Variants in DNAAF9 observed in about 807,000 individuals in gnomAD.
DNAAF9 encodes the protein dynein axonemal assembly factor 9, also known as shulin.
A neutral mutation model predicts 167.0 loss-of-function variants in DNAAF9; 90 were observed. The ratio of observed to expected loss-of-function variants is 0.54; its 90% CI spans 0.45 to 0.64. The LOEUF (loss-of-function observed/expected upper bound fraction) is 0.64. Among genes scored for constraint, DNAAF9 ranks in the 30% least tolerant of loss-of-function variants. DNAAF9 has a pLI of 0.00. For missense variants in DNAAF9, 1,315 were observed against 1,442.2 expected, an observed-to-expected ratio of 0.91 and a Z score of 1.43; for synonymous variants, 491 against 508.8, an observed-to-expected ratio of 0.96 and a Z score of 0.47.
In DNAAF9 at chr20:3,255,195, G is replaced by A. The variant is rs373430961; in HGVS notation, c.3327+24C>T. ...GAGGACAGCCCTGGGCCACCGAGGG[G>A]AGAAGCCAGGGCAAGGCACTCACGT... is the stretch of plus-strand genomic sequence containing the variant. On this transcript the variant is annotated intron_variant, in intron 35 of 36. Transcript: ENST00000252032. 8.0e-6 allele frequency: 12 copies of A among 1,504,672 alleles called. No homozygotes were observed. In the South Asian group the frequency reaches 9.6e-5, roughly 12 times the overall value. 93.2% of individuals were successfully genotyped at this position (1,504,672 alleles called of 1,614,324 possible). A position where few individuals can be genotyped will look rare whatever the true frequency, so the allele number is the denominator to read the frequency against.
chr20:3,380,354 T>C (rs1237359160), intron 3 of DNAAF9, among the ~76,000 whole-genome samples: 1 of 152,234 alleles, frequency 6.6e-6, no homozygotes, highest in Non-Finnish European at 1.5e-5. Flanking sequence ...TTAATCAGTC[T>C]ATAAGAATAA....
At position 3,315,735 on chromosome 20, in the gene DNAAF9, C is replaced by A; in HGVS notation, c.1590G>T (p.Arg530Ser). Residue 530 changes from arginine to serine, a missense_variant and splice_region_variant, in exon 19 of 37, where the codon AGG becomes AGT. Transcript: ENST00000252032. The surrounding 1 kb of genome is among the most constrained non-coding windows in gnomAD (Gnocchi z 4.1). ...CACTGAGAATAAGAAGGCTGCTTACCCTCACTGCTTGCTGGGTTTTCTCAG... is the reference window on the plus strand; with the variant it reads ...CACTGAGAATAAGAAGGCTGCTTACACTCACTGCTTGCTGGGTTTTCTCAG... Reference protein sequence around the residue: ...KLSEKTQQAVRGDESFLGTYL... With the variant: ...KLSEKTQQAVSGDESFLGTYL... 6.2e-7 allele frequency: 1 copy of A among 1,609,596 alleles called. No individual in the cohort carries two copies. The highest frequency in any genetic ancestry group is 1.3e-5 in the African/African-American group (1 of 74,932).
chr20:3,340,366 C>T lies in DNAAF9; in HGVS notation c.981+138G>A, dbSNP rs1207516727. The stretch of plus-strand genomic sequence containing the variant: ...AACAGTTTCTAATCACTTCTTTTCA[C>T]TCTAGAACAACTTCAAATTCAGGGT... On this transcript the variant is annotated intron_variant, in intron 10 of 36. Coordinates refer to ENST00000252032, the MANE Select transcript of DNAAF9 (RefSeq NM_001009984.3). 3 of 696,246 alleles carry T rather than the reference C, an allele frequency of 4.3e-6. No individual in the cohort carries two copies. In the African/African-American group the frequency reaches 5.4e-5, roughly 13 times the overall value. 43.1% of individuals were successfully genotyped at this position (696,246 alleles called of 1,614,324 possible). A position where few individuals can be genotyped will look rare whatever the true frequency, so the allele number is the denominator to read the frequency against.
intron 7 of DNAAF9, among the ~76,000 whole-genome samples, chr20:3,349,814 C>T (rs1600835548): frequency 6.6e-6 from 1 of 152,102 alleles, no homozygotes; most frequent in East Asian, 1.9e-4. Flanking sequence ...AAGTATTATC[C>T]TTGTCCTTAT....
At chr20:3,372,242 G>C (rs2083520356) in intron 6 of DNAAF9, among the ~76,000 whole-genome samples, 1 of 152,218 alleles carries the variant, frequency 6.6e-6, no homozygotes, top group African/African-American at 2.4e-5. Flanking sequence ...AGAGGGCACT[G>C]GCAGAGCCCA....
At chr20:3,271,002 G>A (rs1462754216) in intron 29 of DNAAF9, among the ~76,000 whole-genome samples, 3 of 151,902 alleles carry the variant, frequency 2.0e-5, no homozygotes, top group South Asian at 2.1e-4. Context: ...TAGTAGAGAC[G>A]GGGTTTCACC....
In DNAAF9 at chr20:3,332,880, G is replaced by A. The variant is rs529586881; in HGVS notation, c.982-519C>T. 9.4e-5 allele frequency among the ~76,000 whole-genome samples: 13 copies of A among 139,024 alleles called. No homozygotes were observed. The East Asian group carries it at 1.6e-3, about 18-fold the overall frequency. 91.2% of individuals were successfully genotyped at this position (139,024 alleles called of 152,430 possible). A position where few individuals can be genotyped will look rare whatever the true frequency, so the allele number is the denominator to read the frequency against. On this transcript the variant is annotated intron_variant, in intron 10 of 36. Transcript: ENST00000252032. The stretch of plus-strand genomic sequence containing the variant: ...TTGGTGCGTGTGCGTGCGTGCATGC[G>A]TGTGTGCGTGTGTGCGTGTGGTGTG...
chr20:3,329,921 G>GT (rs1292786592), intron 12 of DNAAF9, among the ~76,000 whole-genome samples: 2 of 152,190 alleles, frequency 1.3e-5, no homozygotes, highest in African/African-American at 2.4e-5. Flanking sequence ...CACAGCCAGT[G>GT]TTCACACCCT....
At position 3,331,360 on chromosome 20, in the gene DNAAF9, CCA is replaced by C. The variant is rs369023045; in HGVS notation, c.1064-680_1064-679del. On this transcript the variant is annotated intron_variant, in intron 11 of 36. Coordinates refer to ENST00000252032, the MANE Select transcript of DNAAF9 (RefSeq NM_001009984.3). ...TACCTGACCCAAGTTATGCTTCTTT[CCA>C]GAGTTTCCTGGCTTATTTAACATCA... Among the ~76,000 whole-genome samples the C allele has an allele frequency of 2.9e-3, 435 of 152,284 alleles. 1 individual carries two copies. Among genetic ancestry groups the C allele is most frequent in the African/African-American group, 0.01 (421 of 41,552 alleles).
chr20:3,301,177 GCTT>G (rs2069180476), intron 21 of DNAAF9, among the ~76,000 whole-genome samples: 1 of 116,682 alleles, frequency 8.6e-6, no homozygotes, highest in African/African-American at 3.3e-5. Flanking sequence ...ATCATGCTTG[GCTT>G]TTTTTTTTTT....
chr20:3,305,824 G>T (rs2069281794), intron 20 of DNAAF9, among the ~76,000 whole-genome samples: 1 of 152,156 alleles, frequency 6.6e-6, no homozygotes, highest in South Asian at 2.1e-4. Context: ...TACCATCTGT[G>T]GCAGCCACAG....
intron 1 of DNAAF9, among the ~76,000 whole-genome samples, chr20:3,406,948 G>C (rs945419904): frequency 6.6e-6 from 1 of 152,026 alleles, no homozygotes; most frequent in African/African-American, 2.4e-5. Flanking sequence ...CGTTGTCAAG[G>C]GCAAAGGCTC....
intron 25 of DNAAF9, among the ~76,000 whole-genome samples, 169 bp downstream of exon 25, chr20:3,293,970 A>C (rs780741048): frequency 6.9e-6 from 1 of 145,938 alleles, no homozygotes; most frequent in Non-Finnish European, 1.5e-5. Context: ...CAGTCATTGT[A>C]TACAGCAGGT....
intron 6 of DNAAF9, among the ~76,000 whole-genome samples, chr20:3,363,442 T>A (rs2083390242): frequency 6.8e-6 from 1 of 147,276 alleles, no homozygotes; most frequent in Non-Finnish European, 1.5e-5. Flanking sequence ...CCAGCCTGGG[T>A]GACAGAGTGA....
At chr20:3,295,531 T>C (rs1386684487) in intron 23 of DNAAF9, 1 of 327,676 alleles carries the variant, frequency 3.1e-6, no homozygotes, top group African/African-American at 2.2e-5. Context: ...GTATTTATGT[T>C]GAATTCCCCA....
chr20:3,294,223 G>T lies in DNAAF9; in HGVS notation c.2154C>A (p.Ser718Arg). 6.2e-7 allele frequency: 1 copy of T among 1,612,518 alleles called. No individual in the cohort carries two copies. Among genetic ancestry groups the T allele is most frequent in the Non-Finnish European group, 8.5e-7 (1 of 1,178,590 alleles). The stretch of plus-strand genomic sequence containing the variant: ...GATGGGTCCGCATCACAGGCTCCTG[G>T]CTAATGCTGCTGATGGCGAAATGCT... ...FLQHFAISSI[S>R]QEPVMRTHLP... is the part of the protein sequence containing the mutation. Residue 718 changes from serine (S) to arginine (R), a missense_variant, in exon 25 of 37, where the codon AGC becomes AGA. Ser to Arg is a moderately radical substitution (Grantham distance 110). Transcript: ENST00000252032.
intron 9 of DNAAF9, among the ~76,000 whole-genome samples, chr20:3,342,047 C>A (rs1311067003): frequency 5.9e-5 from 9 of 152,132 alleles, no homozygotes; most frequent in Non-Finnish European, 1.2e-4. Context: ...AGGTGATAAT[C>A]TTTTAAACGT....
At chr20:3,302,793 A>C (rs1017356354) in intron 21 of DNAAF9, among the ~76,000 whole-genome samples, 3 of 152,232 alleles carry the variant, frequency 2.0e-5, no homozygotes, top group Non-Finnish European at 4.4e-5. Context: ...AGTGGAGGGA[A>C]AGATGAAAAA....
chr20:3,306,343 A>G (rs2069292662), intron 20 of DNAAF9, among the ~76,000 whole-genome samples: 1 of 152,168 alleles, frequency 6.6e-6, no homozygotes, highest in Non-Finnish European at 1.5e-5. Context: ...AATTTCTGAT[A>G]TTCTTCTCAT....
Sources: gnomAD v4.1 joint callset for allele counts (sites outside exome capture counted in the v4.1 genomes callset) on GRCh38, gnomAD v4.1.1 for gene constraint, Gnocchi (gnomAD v3.1) non-coding constraint, MANE v1.5 for transcripts, NCBI Gene and HGNC (gene_info 2026-07-23, HGNC 2026-07-21) for gene names.